The following SENP3 variants were observed in gnomAD, a reference collection of about 807,000 sequenced individuals.
SENP3 encodes sentrin-specific protease 3.
A neutral mutation model predicts 66.2 loss-of-function variants in SENP3; 11 were observed. The observed-to-expected ratio is 0.17, with a 90% CI of 0.10 to 0.28. The LOEUF is 0.28. SENP3 is among the 10% of genes least tolerant of loss of function. SENP3 has a pLI of 1.00. For missense variants in SENP3, 548 were observed against 743.7 expected (o/e 0.74, Z 3.06); for synonymous variants, 292 against 277.6 (o/e 1.05, Z -0.52).
In SENP3 at chr17:7,563,263, C is replaced by T. The variant is rs1211753595; in HGVS notation, c.187C>T (p.Leu63Phe). 5.8e-6 allele frequency: 9 copies of T among 1,555,600 alleles called. No individual in the cohort carries two copies. Among genetic ancestry groups the T allele is most frequent in the Non-Finnish European group, 7.8e-6 (9 of 1,149,274 alleles). ...AGGGACCACAGTGCCAGCCAGACGC[C>T]TCCCTGTCCCCCGACCCTCTTTTGA... ...GSGTTVPARR[L>F]PVPRPSFDAS... Residue 63 changes from leucine to phenylalanine, a missense_variant, in exon 2 of 11, where the codon CTC (leucine) becomes TTC (phenylalanine). Physicochemically the swap from Leu to Phe is conservative, Grantham distance 22 (BLOSUM62 0). Transcript: ENST00000321337.
At chr17:7,566,159 T>C (rs2150919812) in intron 6 of SENP3, 1 of 168,772 alleles carries the variant, frequency 5.9e-6, no homozygotes, top group East Asian at 1.6e-4. Flanking sequence ...CTGACCAATA[T>C]GGAGAAATCC....
At chr17:7,564,068 G>A (rs1338854411) in intron 2 of SENP3, among the ~76,000 whole-genome samples, 2 of 152,104 alleles carry the variant, frequency 1.3e-5, no homozygotes, top group African/African-American at 4.8e-5. Flanking sequence ...AAAGGGAGAT[G>A]TGGTTTACAA....
At chr17:7,567,114 T>A (rs2071274986) in intron 7 of SENP3, 110 bp downstream of exon 7, 2 of 793,972 alleles carry the variant, frequency 2.5e-6, no homozygotes, top group South Asian at 1.5e-5. Flanking sequence ...TTTCAAAGAT[T>A]AAACGTCTCT....
chr17:7,569,509 G>A (rs571287090), intron 7 of SENP3, among the ~76,000 whole-genome samples: 1 of 152,226 alleles, frequency 6.6e-6, no homozygotes, highest in African/African-American at 2.4e-5. Context: ...GGAACAGGTT[G>A]GGGGAGGAAA....
chr17:7,569,707 CCTT>C (rs1477238211), intron 7 of SENP3, among the ~76,000 whole-genome samples: 8 of 152,248 alleles, frequency 5.3e-5, no homozygotes, highest in South Asian at 2.1e-4. Flanking sequence ...AACATGTTGG[CCTT>C]CTTCATACTG....
chr17:7,567,511 C>T (rs886486160), intron 7 of SENP3, among the ~76,000 whole-genome samples: 1 of 149,670 alleles, frequency 6.7e-6, no homozygotes, highest in African/African-American at 2.5e-5. Context: ...AAGAGCAAAA[C>T]TCCGTCTCAA....
rs181252161 is a variant in SENP3 at position 7,571,239 on chromosome 17, T to C, written c.1615-134T>C. The C allele has an allele frequency of 3.6e-4, 242 of 667,728 alleles. No homozygotes were observed. In the East Asian group the frequency reaches 6.2e-3, roughly 17 times the overall value. The allele number at this position is 667,728 out of a possible 1,614,324, so 41.4% of individuals were successfully genotyped here. A position where few individuals can be genotyped will look rare whatever the true frequency, so the allele number is the denominator to read the frequency against. On this transcript the variant is annotated intron_variant, in intron 10 of 10. Coordinates refer to ENST00000321337, the MANE Select transcript of SENP3 (RefSeq NM_015670.6). ...ACACTAGCTTTAGAGTCAGGCTGTT[T>C]TTGAACCCCAGGCTGTGGGACCCTG...
At position 7,571,434 on chromosome 17, in the gene SENP3, T is replaced by G; in HGVS notation, c.1676T>G (p.Leu559Arg). The G allele has an allele frequency of 6.2e-7, 1 of 1,608,254 alleles. No individual in the cohort carries two copies. Among genetic ancestry groups the G allele is most frequent in the Non-Finnish European group, 8.5e-7 (1 of 1,177,140 alleles). Residue 559 changes from leucine to arginine, a missense_variant, in exon 11 of 11, where the codon CTT (leucine) becomes CGT (arginine). Coordinates refer to ENST00000321337, the MANE Select transcript of SENP3 (RefSeq NM_015670.6). Reference protein sequence around the residue: ...FSFTQQDMPKLRRQIYKELCH... With the variant: ...FSFTQQDMPKRRRQIYKELCH... ...TTCACCCAGCAGGACATGCCCAAAC[T>G]TCGTCGGCAGATCTACAAGGAGCTG...
At chr17:7,564,049 G>A (rs1410555440) in intron 2 of SENP3, among the ~76,000 whole-genome samples, 1 of 152,112 alleles carries the variant, frequency 6.6e-6, no homozygotes, top group African/African-American at 2.4e-5. Flanking sequence ...GGTCTTGAGC[G>A]CAGATGAGAA....
chr17:7,563,385 T>G lies in SENP3; in HGVS notation c.309T>G (p.Ser103Arg), dbSNP rs2071238801. 1 of 1,550,908 alleles carries G rather than the reference T, an allele frequency of 6.4e-7. No individual in the cohort carries two copies. Among genetic ancestry groups the G allele is most frequent in the Non-Finnish European group, 8.7e-7 (1 of 1,146,892 alleles). ...VAAWRLPPRW[S>R]QLGTSQRPRP... ...CTTGGAGGCTGCCCCCAAGATGGAGTCAGCTGGGAACCTCCCAGCGGCCCC... is the reference window on the plus strand; with the variant it reads ...CTTGGAGGCTGCCCCCAAGATGGAGGCAGCTGGGAACCTCCCAGCGGCCCC... The change falls in exon 2 of 11, where the codon AGT becomes AGG. Residue 103 changes from serine to arginine, a missense_variant. Ser to Arg is a moderately radical substitution (Grantham distance 110). Coordinates refer to ENST00000321337, the MANE Select transcript of SENP3 (RefSeq NM_015670.6).
rs1443854137 is a variant in SENP3 at position 7,571,882 on chromosome 17, TATATATATATATATATATATATATATAA to T, written c.*401_*428del. On this transcript the variant is annotated 3_prime_UTR_variant, in exon 11 of 11. Coordinates refer to ENST00000321337, the MANE Select transcript of SENP3 (RefSeq NM_015670.6). ...ATATATATATATATATATATATATA[TATATATATATATATATATATATATATAA>T]AAATATATAAATGCCACGGTCCTGC... 7.9e-3 allele frequency: 74 copies of T among 9,362 alleles called. 8 individuals carry two copies. The highest frequency in any genetic ancestry group is 0.014 in the Non-Finnish European group (50 of 3,648). 0.6% of individuals were successfully genotyped at this position (9,362 alleles called of 1,614,324 possible). A position where few individuals can be genotyped will look rare whatever the true frequency, so the allele number is the denominator to read the frequency against.
At chr17:7,565,865 C>T (rs2071263308) in intron 6 of SENP3, 101 bp downstream of exon 6, 4 of 1,017,494 alleles carry the variant, frequency 3.9e-6, no homozygotes, top group Non-Finnish European at 4.5e-6. Context: ...GAGAGGGTCT[C>T]TGTTTCAGGG....
rs1002286481 is a variant in SENP3 at position 7,562,001 on chromosome 17, CGGCGGCGGTGGCGCTGGT to C, written c.-260_-243del. 175 of 398,482 alleles carry C rather than the reference CGGCGGCGGTGGCGCTGGT, an allele frequency of 4.4e-4. 1 individual carries two copies. The highest frequency in any genetic ancestry group is 3.7e-3 in the South Asian group (31 of 8,360). 24.7% of individuals were successfully genotyped at this position (398,482 alleles called of 1,614,324 possible). ...AGGAGGAGGGGGGGAGGAGTGGCGG[CGGCGGCGGTGGCGCTGGT>C]GGCGGCGGTGGCGGAGGTGGAGGTG... On this transcript the variant is annotated 5_prime_UTR_variant, in exon 1 of 11. Transcript: ENST00000321337. The surrounding 1 kb of genome is among the most constrained non-coding windows in gnomAD (Gnocchi z 5.0).
In SENP3 at chr17:7,564,990, C is replaced by T. The variant is rs749915108; in HGVS notation, c.987C>T (p.Gly329=). 6.8e-6 allele frequency: 11 copies of T among 1,613,540 alleles called. No individual in the cohort carries two copies. In the South Asian group the frequency reaches 1.2e-4, roughly 18 times the overall value. Residue 329 remains glycine (G), a synonymous_variant, in exon 4 of 11, where the codon GGC becomes GGT. Transcript: ENST00000321337. ...TGGACGAATTCCTTCAAACGTATGG[C>T]AGCCTCATACCCCTCAGCACTGATG... ...SILDEFLQTY[G]SLIPLSTDEV...
At chr17:7,564,539 T>C in intron 2 of SENP3, 86 bp from the exon 3 acceptor site, 2 of 1,554,580 alleles carry the variant, frequency 1.3e-6, no homozygotes, top group Non-Finnish European at 1.8e-6. Context: ...GCGGTCTTAT[T>C]TGCATGCATG....
Position 7,562,323 on chromosome 17 carries a change from C to T in SENP3, c.-12+60C>T. ...CTTGGCCTCTCCCATTCCTGGGCCT[C>T]GCTCCCACCGAACCGGGGCCCAGAG... is the stretch of plus-strand genomic sequence containing the variant. On this transcript the variant is annotated intron_variant, in intron 1 of 10. Transcript: ENST00000321337. This position sits in a 1 kb window ranked among gnomAD's most constrained non-coding sequence, Gnocchi z 5.0. 2.5e-6 allele frequency: 1 copy of T among 396,690 alleles called. No individual in the cohort carries two copies. Among genetic ancestry groups the T allele is most frequent in the South Asian group, 1.3e-4 (1 of 7,478 alleles). 24.6% of individuals were successfully genotyped at this position (396,690 alleles called of 1,614,324 possible). A position where few individuals can be genotyped will look rare whatever the true frequency, so the allele number is the denominator to read the frequency against.
At chr17:7,571,304 C>T (rs937368032) in intron 10 of SENP3, 69 bp from the exon 11 acceptor site, 5 of 1,143,270 alleles carry the variant, frequency 4.4e-6, no homozygotes, top group South Asian at 2.6e-5. Flanking sequence ...GGAGACACAT[C>T]TCATATGAAA....
intron 7 of SENP3, among the ~76,000 whole-genome samples, chr17:7,567,514 C>T (rs1369489093): frequency 2.0e-5 from 3 of 147,948 alleles, no homozygotes; most frequent in Non-Finnish European, 4.4e-5. Context: ...AGCAAAACTC[C>T]GTCTCAAAAA....
rs1044947363 is a variant in SENP3, at chr17:7,561,959, G to A, written c.-316G>A. 2 of 393,526 alleles carry A rather than the reference G, an allele frequency of 5.1e-6. No homozygotes were observed. The highest frequency in any genetic ancestry group is 9.0e-6 in the Non-Finnish European group (2 of 222,484). 24.4% of individuals were successfully genotyped at this position (393,526 alleles called of 1,614,324 possible). ...TGCGCCACCGCTGCCGGTGGGCCCGGGGCTCGCGGGAGGGGAAGGAGGAGG... is the reference window on the plus strand; with the variant it reads ...TGCGCCACCGCTGCCGGTGGGCCCGAGGCTCGCGGGAGGGGAAGGAGGAGG... On this transcript the variant is annotated 5_prime_UTR_variant, in exon 1 of 11. Transcript: ENST00000321337. This position sits in a 1 kb window ranked among gnomAD's most constrained non-coding sequence, Gnocchi z 4.4.
Sources: allele counts gnomAD v4.1 joint callset (sites outside exome capture counted in the v4.1 genomes callset), GRCh38; gene constraint gnomAD v4.1.1; non-coding constraint Gnocchi (gnomAD v3.1); transcripts MANE v1.5; gene names NCBI Gene and HGNC (gene_info 2026-07-23, HGNC 2026-07-21).